The following MYLIP variants were observed in gnomAD, a reference collection of about 807,000 sequenced individuals.
The protein encoded by MYLIP is myosin regulatory light chain interacting protein, also known as E3 ubiquitin-protein ligase MYLIP.
MYLIP carries 26 observed loss-of-function variants against 45.8 expected under a neutral mutation model. The ratio of observed to expected loss-of-function variants is 0.57; its 90% CI spans 0.42 to 0.79. MYLIP has a LOEUF of 0.79. MYLIP is among the 30% of genes least tolerant of loss of function. MYLIP has a pLI of 0.00. For missense variants in MYLIP, 494 were observed against 555.6 expected, an observed-to-expected ratio of 0.89 and a Z score of 1.11; for synonymous variants, 213 against 218.1, an observed-to-expected ratio of 0.98 and a Z score of 0.21.
At chr6:16,138,151 G>GT (rs1020981182) in intron 2 of MYLIP, among the ~76,000 whole-genome samples, 8 of 152,144 alleles carry the variant, frequency 5.3e-5, no homozygotes, top group African/African-American at 1.7e-4. Context: ...AGAGAAAACA[G>GT]TTTTTTTCCA....
At chr6:16,142,829 T>C (rs1038508922) in intron 3 of MYLIP, among the ~76,000 whole-genome samples, 191 bp from the exon 4 acceptor site, 1 of 152,266 alleles carries the variant, frequency 6.6e-6, no homozygotes, top group Admixed American at 6.5e-5. Flanking sequence ...AAGTATTTAA[T>C]AGTTGAGATC....
intron 6 of MYLIP, 150 bp downstream of exon 6, chr6:16,145,467 G>A: frequency 1.3e-6 from 1 of 798,852 alleles, no homozygotes; most frequent in South Asian, 2.2e-5. Flanking sequence ...GACCTAAAAG[G>A]CATTGCCCTT....
the MYLIP span, chr6:16,163,451 A>T: frequency 6.6e-6 from 1 of 152,224 alleles, no homozygotes; most frequent in East Asian, 1.9e-4. Context: ...AATGCTAGAA[A>T]CTGAAGCCAA....
At chr6:16,136,025 G>A (rs192609355) in intron 2 of MYLIP, among the ~76,000 whole-genome samples, 10 of 151,626 alleles carry the variant, frequency 6.6e-5, no homozygotes, top group South Asian at 2.1e-4. Context: ...ATGTTTCCCC[G>A]TAAATACTTC....
chr6:16,132,955 A>G (rs1291264785), intron 2 of MYLIP, among the ~76,000 whole-genome samples: 1 of 152,196 alleles, frequency 6.6e-6, no homozygotes, highest in Middle Eastern at 3.2e-3. Flanking sequence ...TAGTATACTG[A>G]AAGTATCTAG....
chr6:16,141,538 T>A (rs1759671916), intron 2 of MYLIP, 87 bp from the exon 3 acceptor site: 1 of 1,306,254 alleles, frequency 7.7e-7, no homozygotes, highest in African/African-American at 1.5e-5. Context: ...ATTGCTTTCC[T>A]TAAAAGTGAC....
rs1176595484 is a variant in MYLIP, at chr6:16,135,751, ATATC to A, written c.278+5008_278+5011del. ...ACACATTATATGTGTGTGTATACATATATCTATATATATATATATATATATATGT... is the reference window on the plus strand; with the variant it reads ...ACACATTATATGTGTGTGTATACATATATATATATATATATATATATATGT... On this transcript the variant is annotated intron_variant, in intron 2 of 6. Transcript: ENST00000356840. Among the ~76,000 whole-genome samples, 933 of 105,250 alleles carry A rather than the reference ATATC, an allele frequency of 8.9e-3. 34 individuals carry two copies. Among genetic ancestry groups the A allele is most frequent in the African/African-American group, 0.032 (825 of 25,856 alleles). 69.0% of individuals were successfully genotyped at this position (105,250 alleles called of 152,430 possible).
chr6:16,161,339 C>A, the MYLIP span: 12 of 281,758 alleles, frequency 4.3e-5, no homozygotes, highest in South Asian at 4.6e-4. Flanking sequence ...CCACAATTAT[C>A]CTGATCGGCT....
chr6:16,146,632 T>C, intron 6 of MYLIP, 30 bp from the exon 7 acceptor site: 1 of 1,582,010 alleles, frequency 6.3e-7, no homozygotes, highest in Non-Finnish European at 8.6e-7. Flanking sequence ...GCTTGCATGC[T>C]AACAGAGACT....
At chr6:16,138,535 T>G (rs1759602448) in intron 2 of MYLIP, among the ~76,000 whole-genome samples, 1 of 152,198 alleles carries the variant, frequency 6.6e-6, no homozygotes. Flanking sequence ...AGTACTCTGT[T>G]GTACTGTTCT....
chr6:16,145,617 GC>G (rs1759774372), intron 6 of MYLIP, among the ~76,000 whole-genome samples: 1 of 152,138 alleles, frequency 6.6e-6, no homozygotes, highest in Non-Finnish European at 1.5e-5. Flanking sequence ...AAGAATCCAG[GC>G]CTCCTGAGGC....
chr6:16,129,427 G>T lies in MYLIP; in HGVS notation c.87+18G>T. 6.4e-7 allele frequency: 1 copy of T among 1,569,812 alleles called. No individual in the cohort carries two copies. The highest frequency in any genetic ancestry group is 2.4e-5 in the East Asian group (1 of 42,206). On this transcript the variant is annotated intron_variant, in intron 1 of 6. Transcript: ENST00000356840. The surrounding 1 kb of genome is among the most constrained non-coding windows in gnomAD (Gnocchi z 5.1). Reference sequence around the variant, plus strand: ...TCAACCAGGTGAGGGCGAGGGGCAAGAAGGGGCCCCGGCGGGTCCCGCGAG... The same window carrying T: ...TCAACCAGGTGAGGGCGAGGGGCAATAAGGGGCCCCGGCGGGTCCCGCGAG...
At chr6:16,130,072 C>T (rs539569307) in intron 1 of MYLIP, among the ~76,000 whole-genome samples, 4 of 152,288 alleles carry the variant, frequency 2.6e-5, no homozygotes, top group African/African-American at 4.8e-5. Flanking sequence ...AACGCTGTGC[C>T]CTCAACCCCT....
chr6:16,146,500 C>G (rs182479937), intron 6 of MYLIP, among the ~76,000 whole-genome samples, 162 bp from the exon 7 acceptor site: 9 of 152,268 alleles, frequency 5.9e-5, no homozygotes, highest in Admixed American at 5.2e-4. Context: ...AACTTTCAAC[C>G]TGTGAGACGG....
At chr6:16,160,688 G>C in the MYLIP span, among the ~76,000 whole-genome samples, 5 of 152,158 alleles carry the variant, frequency 3.3e-5, no homozygotes, top group Admixed American at 6.5e-5. Context: ...TGAAATCTCA[G>C]TTACTCAGGA....
chr6:16,134,926 T>G (rs1368563448), intron 2 of MYLIP, among the ~76,000 whole-genome samples: 5 of 151,982 alleles, frequency 3.3e-5, no homozygotes, highest in African/African-American at 1.2e-4. Flanking sequence ...TATGAAATAT[T>G]CAAGGAAGGT....
chr6:16,144,690 G>A (rs975746581), intron 5 of MYLIP, among the ~76,000 whole-genome samples: 1 of 152,120 alleles, frequency 6.6e-6, no homozygotes, highest in East Asian at 1.9e-4. Context: ...ACTGCTTTAC[G>A]GAAGCCATAA....
At chr6:16,139,791 A>G (rs768311160) in intron 2 of MYLIP, among the ~76,000 whole-genome samples, 87 of 152,160 alleles carry the variant, frequency 5.7e-4, no homozygotes, top group Non-Finnish European at 1.0e-3. Flanking sequence ...GTTAATAAAA[A>G]CCATCTTTAT....
At chr6:16,137,886 T>TA (rs11354447) in intron 2 of MYLIP, among the ~76,000 whole-genome samples, 96 of 150,806 alleles carry the variant, frequency 6.4e-4, no homozygotes, top group African/African-American at 2.0e-3. Context: ...TTCACTCCAT[T>TA]AAAAAAAAAA....
Sources: gnomAD v4.1 joint callset for allele counts (sites outside exome capture counted in the v4.1 genomes callset) on GRCh38, gnomAD v4.1.1 for gene constraint, Gnocchi (gnomAD v3.1) non-coding constraint, MANE v1.5 for transcripts, NCBI Gene and HGNC (gene_info 2026-07-23, HGNC 2026-07-21) for gene names.